The following EHMT1 variants were observed in gnomAD, a reference collection of about 807,000 sequenced individuals.
EHMT1 encodes the protein histone-lysine N-methyltransferase EHMT1.
A neutral mutation model predicts 147.2 loss-of-function variants in EHMT1; 15 were observed. The observed-to-expected ratio is 0.10, with a 90% confidence interval of 0.07 to 0.16. The LOEUF (loss-of-function observed/expected upper bound fraction) is 0.16, where lower values mean the gene tolerates loss of function less well. Among genes scored for constraint, EHMT1 ranks in the 10% least tolerant of loss-of-function variants. The probability of loss-of-function intolerance (pLI) is 1.00; values close to 1 mark genes in which losing one functional copy is unlikely to be tolerated. For missense variants in EHMT1, 1,587 were observed against 1,772.4 expected (o/e 0.90, Z 1.88); for synonymous variants, 795 against 709.6 (o/e 1.12, Z -1.91).
chr9:137,754,771 C>T lies in EHMT1; in HGVS notation c.1369+480C>T, dbSNP rs181836146. Among the ~76,000 whole-genome samples, 7 of 152,292 alleles carry T rather than the reference C, an allele frequency of 4.6e-5. No homozygotes were observed. The East Asian group carries it at 1.4e-3, about 29-fold the overall frequency. On this transcript the variant is annotated intron_variant, in intron 8 of 26. Transcript: ENST00000460843. ...AGCTCAAGCGATCTGCCCGTTTTGG[C>T]CTCCCAAAGTGCTGGGATTACAGGT...
At chr9:137,619,273 C>T (rs1331657754) in intron 1 of EHMT1, among the ~76,000 whole-genome samples, 2 of 143,136 alleles carry the variant, frequency 1.4e-5, no homozygotes, top group South Asian at 2.2e-4. Flanking sequence ...TTGTGCGCGG[C>T]GCGGGCCGGG....
intron 1 of EHMT1, among the ~76,000 whole-genome samples, chr9:137,695,256 A>G (rs140766161): frequency 0.018 from 2,722 of 152,210 alleles, 37 homozygotes; most frequent in Non-Finnish European, 0.027. Context: ...CAGTTCCCTG[A>G]GGGTACAGAC....
In EHMT1 at chr9:137,828,075, C is replaced by T. The variant is rs1352505406; in HGVS notation, c.3541-6274C>T. 2.6e-5 allele frequency among the ~76,000 whole-genome samples: 4 copies of T among 152,130 alleles called. No individual in the cohort carries two copies. The highest frequency in any genetic ancestry group is 2.9e-5 in the Non-Finnish European group (2 of 68,014). ...GCTGCCATCGTGGGAGGGACGTGGA[C>T]GAACGGCACGCAGTGGGAGGCCATG... On this transcript the variant is annotated intron_variant, in intron 25 of 26. Transcript: ENST00000460843. The surrounding 1 kb of genome is among the most constrained non-coding windows in gnomAD (Gnocchi z 5.3).
chr9:137,772,528 A>T (rs1031457005), intron 10 of EHMT1, among the ~76,000 whole-genome samples: 3 of 152,156 alleles, frequency 2.0e-5, no homozygotes, highest in African/African-American at 7.2e-5. Flanking sequence ...CTCTGTATTT[A>T]CACCAGCTCA....
At chr9:137,715,365 C>A (rs1945112813) in intron 2 of EHMT1, among the ~76,000 whole-genome samples, 1 of 152,220 alleles carries the variant, frequency 6.6e-6, no homozygotes. Context: ...ATTCAGAACA[C>A]ACACATTAGA....
Position 137,818,149 on chromosome 9 carries a change from T to C in EHMT1, c.3540+11T>C. Reference sequence around the variant, plus strand: ...GATCTCGACAATAAGGTAATGTGTTTTGTGGGGTTGGGGCCACGCAGAACT... The same window carrying C: ...GATCTCGACAATAAGGTAATGTGTTCTGTGGGGTTGGGGCCACGCAGAACT... On this transcript the variant is annotated intron_variant, in intron 25 of 26. Transcript: ENST00000460843. 6.2e-7 allele frequency: 1 copy of C among 1,614,044 alleles called. No individual in the cohort carries two copies. Among genetic ancestry groups the C allele is most frequent in the Non-Finnish European group, 8.5e-7 (1 of 1,179,916 alleles).
intron 1 of EHMT1, chr9:137,665,851 G>A (rs188299221): frequency 1.9e-3 from 293 of 152,366 alleles, no homozygotes; most frequent in Non-Finnish European, 3.6e-3. Context: ...GTGCCTGGGC[G>A]GCCGCGTGCA....
At position 137,813,396 on chromosome 9, in the gene EHMT1, C is replaced by A. The variant is rs1429360126; in HGVS notation, c.3046C>A (p.Arg1016=). ...VERIVSRDIA[R]GYERIPIPCV... Reference sequence around the variant, plus strand: ...TCCTTTCCATGGCAGGGACATCGCTCGAGGCTACGAGCGCATCCCCATCCC... The same window carrying A: ...TCCTTTCCATGGCAGGGACATCGCTAGAGGCTACGAGCGCATCCCCATCCC... The change falls in exon 21 of 27, where the codon CGA becomes AGA. Residue 1016 remains arginine (R), a synonymous_variant. Transcript: ENST00000460843. This position sits in a 1 kb window ranked among gnomAD's most constrained non-coding sequence, Gnocchi z 4.9. 1 of 1,611,748 alleles carries A rather than the reference C, an allele frequency of 6.2e-7. No individual in the cohort carries two copies. The highest frequency in any genetic ancestry group is 8.5e-7 in the Non-Finnish European group (1 of 1,179,406).
At chr9:137,626,899 C>T (rs1843296065) in intron 1 of EHMT1, among the ~76,000 whole-genome samples, 1 of 151,884 alleles carries the variant, frequency 6.6e-6, no homozygotes, top group Non-Finnish European at 1.5e-5. Context: ...AATTCTGCCT[C>T]AGTCCCACAG....
At chr9:137,667,319 TC>T (rs1356700317) in intron 1 of EHMT1, 4 of 152,226 alleles carry the variant, frequency 2.6e-5, no homozygotes, top group Non-Finnish European at 5.9e-5. Flanking sequence ...CTGGGTTAGC[TC>T]AACCCTTAGA....
chr9:137,688,554 C>A (rs540096655), intron 1 of EHMT1, among the ~76,000 whole-genome samples: 1 of 152,132 alleles, frequency 6.6e-6, no homozygotes, highest in Non-Finnish European at 1.5e-5. Context: ...GAAGAATAAG[C>A]ATATCTGCTT....
chr9:137,669,790 T>C (rs1459623122), intron 1 of EHMT1, among the ~76,000 whole-genome samples: 1 of 152,188 alleles, frequency 6.6e-6, no homozygotes, highest in Admixed American at 6.5e-5. Flanking sequence ...TGGCCTTAAG[T>C]GATCCTCCCA....
intron 1 of EHMT1, among the ~76,000 whole-genome samples, chr9:137,670,247 GT>G (rs1049977211): frequency 2.0e-5 from 3 of 152,054 alleles, no homozygotes; most frequent in Admixed American, 6.6e-5. Context: ...AAAGATTTGT[GT>G]TTTTTTCATG....
intron 3 of EHMT1, among the ~76,000 whole-genome samples, chr9:137,722,170 A>G (rs1298418382): frequency 1.3e-5 from 2 of 152,168 alleles, no homozygotes; most frequent in Admixed American, 1.3e-4. Context: ...CTTTTATTAC[A>G]GTCCTACTTC....
At chr9:137,804,872 A>G (rs1261207839) in intron 18 of EHMT1, among the ~76,000 whole-genome samples, 6 of 152,176 alleles carry the variant, frequency 3.9e-5, no homozygotes, top group Admixed American at 2.0e-4. Context: ...GCCAAAAGCC[A>G]GTTGTCTGCA....
At chr9:137,649,349 A>G (rs1041397768) in intron 1 of EHMT1, among the ~76,000 whole-genome samples, 3 of 152,136 alleles carry the variant, frequency 2.0e-5, no homozygotes, top group African/African-American at 4.8e-5. Flanking sequence ...AATCCCAGAT[A>G]CTGCGGAGGC....
At chr9:137,673,295 C>T (rs920786834) in intron 1 of EHMT1, among the ~76,000 whole-genome samples, 1 of 152,186 alleles carries the variant, frequency 6.6e-6, no homozygotes, top group Non-Finnish European at 1.5e-5. Flanking sequence ...GGTCCCTCAC[C>T]ATTCTCGACT....
At chr9:137,753,599 G>C (rs1186636854) in intron 7 of EHMT1, among the ~76,000 whole-genome samples, 1 of 152,254 alleles carries the variant, frequency 6.6e-6, no homozygotes, top group Non-Finnish European at 1.5e-5. Flanking sequence ...CCCGCCCACT[G>C]TGGCCTGCAC....
intron 6 of EHMT1, among the ~76,000 whole-genome samples, chr9:137,749,384 A>G (rs775825409): frequency 5.3e-5 from 8 of 151,558 alleles, no homozygotes; most frequent in Admixed American, 1.3e-4. Context: ...TGATCCTCCC[A>G]CCTCAGCCTC....
Sources: allele counts gnomAD v4.1 joint callset (sites outside exome capture counted in the v4.1 genomes callset), GRCh38; gene constraint gnomAD v4.1.1; non-coding constraint Gnocchi (gnomAD v3.1); transcripts MANE v1.5; gene names NCBI Gene and HGNC (gene_info 2026-07-23, HGNC 2026-07-21).